Variants in FER observed in about 807,000 individuals in gnomAD.
FER encodes the protein FER tyrosine kinase, also known as tyrosine-protein kinase Fer.
A neutral mutation model predicts 111.0 loss-of-function variants in FER; 63 were observed. The ratio of observed to expected loss-of-function variants is 0.57; its 90% CI spans 0.46 to 0.70. The LOEUF is 0.70. Among genes scored for constraint, FER ranks in the 30% least tolerant of loss-of-function variants. The probability of loss-of-function intolerance (pLI) is 0.00; values close to 1 mark genes in which losing one functional copy is unlikely to be tolerated. For missense variants in FER, 914 were observed against 954.0 expected (o/e 0.96, Z 0.55); for synonymous variants, 327 against 313.9 (o/e 1.04, Z -0.44).
rs146392881 is a variant in FER at position 109,110,951 on chromosome 5, C to T, written c.2048+10432C>T. Among the ~76,000 whole-genome samples, 800 of 152,226 alleles carry T rather than the reference C, an allele frequency of 5.3e-3. 6 individuals carry two copies. The highest frequency in any genetic ancestry group is 0.018 in the African/African-American group (764 of 41,546). ...TGAGCAAGATGGACAGAGTACCATT[C>T]CTCCTGGCATTGTTTTATCACACTA... On this transcript the variant is annotated intron_variant, in intron 17 of 19. Transcript: ENST00000281092.
At chr5:109,076,015 A>G (rs970895404) in intron 16 of FER, among the ~76,000 whole-genome samples, 53 of 152,082 alleles carry the variant, frequency 3.5e-4, no homozygotes, top group African/African-American at 1.2e-3. Flanking sequence ...TATTTCAGGG[A>G]ACACATACTC....
At chr5:108,975,164 AC>A (rs1449791169) in intron 13 of FER, among the ~76,000 whole-genome samples, 2 of 152,132 alleles carry the variant, frequency 1.3e-5, no homozygotes, top group Non-Finnish European at 2.9e-5. Context: ...AGAAAACCAA[AC>A]ACTGCATGTT....
intron 9 of FER, among the ~76,000 whole-genome samples, chr5:108,885,709 C>A (rs1747028498): frequency 6.6e-6 from 1 of 151,886 alleles, no homozygotes; most frequent in African/African-American, 2.4e-5. Flanking sequence ...AAGGCCCCCA[C>A]CTCCTAATAC....
intron 13 of FER, among the ~76,000 whole-genome samples, chr5:109,006,829 G>GA (rs905494103): frequency 4.6e-5 from 7 of 151,452 alleles, no homozygotes; most frequent in Non-Finnish European, 1.5e-5. Context: ...ATGGTGGGGG[G>GA]AAAAAAAATC....
intron 2 of FER, among the ~76,000 whole-genome samples, chr5:108,792,392 T>A (rs1561426266): frequency 6.6e-6 from 1 of 152,214 alleles, no homozygotes. Flanking sequence ...CAGGCTGGAG[T>A]GCAGTGGGCG....
chr5:108,933,679 A>T (rs888370265), intron 10 of FER, among the ~76,000 whole-genome samples: 1 of 152,138 alleles, frequency 6.6e-6, no homozygotes, highest in Non-Finnish European at 1.5e-5. Flanking sequence ...CACTGAATCT[A>T]TAAACTACTT....
chr5:108,839,572 C>CTTTTTTTT (rs1232820003), intron 5 of FER, among the ~76,000 whole-genome samples: 11 of 94,734 alleles, frequency 1.2e-4, no homozygotes, highest in Non-Finnish European at 1.4e-4. Context: ...ATGCCATTTT[C>CTTTTTTTT]TTTTTTTTTT....
At chr5:109,129,318 G>A (rs950864763) in intron 17 of FER, among the ~76,000 whole-genome samples, 3 of 151,950 alleles carry the variant, frequency 2.0e-5, no homozygotes, top group African/African-American at 7.2e-5. Context: ...AGAGTTTCGT[G>A]TCACAAACAT....
intron 16 of FER, among the ~76,000 whole-genome samples, chr5:109,091,157 A>G (rs1054578682): frequency 2.0e-5 from 3 of 152,204 alleles, no homozygotes; most frequent in African/African-American, 7.2e-5. Context: ...AAAACAATGC[A>G]TTTTGGAGAT....
chr5:108,960,532 A>AT (rs915125689), intron 13 of FER, among the ~76,000 whole-genome samples: 2 of 151,900 alleles, frequency 1.3e-5, no homozygotes, highest in Admixed American at 6.6e-5. Context: ...AGGTTGTCAC[A>AT]TTTTTTCTAT....
chr5:108,826,716 T>A (rs562123820), intron 3 of FER, among the ~76,000 whole-genome samples: 55 of 152,372 alleles, frequency 3.6e-4, no homozygotes, highest in African/African-American at 1.3e-3. Context: ...CACTAATGAA[T>A]CAAACAAAGG....
chr5:108,794,909 A>G lies in FER; in HGVS notation c.-59-3215A>G, dbSNP rs144737239. Among the ~76,000 whole-genome samples, 882 of 152,306 alleles carry G rather than the reference A, an allele frequency of 5.8e-3. 3 individuals are homozygous for G. Among genetic ancestry groups the G allele is most frequent in the Non-Finnish European group, 8.1e-3 (550 of 68,026 alleles). On this transcript the variant is annotated intron_variant, in intron 2 of 19. Transcript: ENST00000281092. ...TTGTTGTTCAATAACCTTCTTGTAC[A>G]TGAATATTTACATCTTTCTACAGGT...
At chr5:108,783,625 G>T (rs1016399598) in intron 2 of FER, among the ~76,000 whole-genome samples, 1 of 151,968 alleles carries the variant, frequency 6.6e-6, no homozygotes, top group Non-Finnish European at 1.5e-5. Context: ...TATCATGCAG[G>T]TCTTAGCCTA....
chr5:108,862,668 A>G (rs529252982), intron 5 of FER, among the ~76,000 whole-genome samples: 1 of 152,324 alleles, frequency 6.6e-6, no homozygotes, highest in East Asian at 1.9e-4. Flanking sequence ...CTTGCATGGT[A>G]ACTGCCTGTT....
intron 13 of FER, among the ~76,000 whole-genome samples, chr5:109,029,125 A>T (rs968494797): frequency 6.6e-6 from 1 of 152,180 alleles, no homozygotes; most frequent in South Asian, 2.1e-4. Flanking sequence ...TGAATGAAAC[A>T]GACCTACTTT....
intron 17 of FER, among the ~76,000 whole-genome samples, chr5:109,119,241 T>C (rs911869803): frequency 4.6e-5 from 7 of 152,226 alleles, no homozygotes; most frequent in South Asian, 2.1e-4. Flanking sequence ...AGAACATCTT[T>C]ATTTCTGCCT....
intron 2 of FER, among the ~76,000 whole-genome samples, chr5:108,794,919 A>C (rs1240406483): frequency 6.6e-6 from 1 of 152,192 alleles, no homozygotes; most frequent in African/African-American, 2.4e-5. Context: ...ATGAATATTT[A>C]CATCTTTCTA....
chr5:108,863,797 C>T (rs1275639336), intron 5 of FER, among the ~76,000 whole-genome samples: 1 of 152,104 alleles, frequency 6.6e-6, no homozygotes, highest in African/African-American at 2.4e-5. Flanking sequence ...TTTTATATTA[C>T]ATTTATATAA....
intron 3 of FER, among the ~76,000 whole-genome samples, chr5:108,808,465 T>C (rs977442420): frequency 6.7e-6 from 1 of 150,204 alleles, no homozygotes; most frequent in Non-Finnish European, 1.5e-5. Flanking sequence ...TCTCTAACCC[T>C]TTACTCTGTG....
Sources: gnomAD v4.1 joint callset for allele counts (sites outside exome capture counted in the v4.1 genomes callset) on GRCh38, gnomAD v4.1.1 for gene constraint, MANE v1.5 for transcripts, NCBI Gene and HGNC (gene_info 2026-07-23, HGNC 2026-07-21) for gene names.